The following DENND1B variants were observed in gnomAD, a reference collection of about 807,000 sequenced individuals.
The protein encoded by DENND1B is DENN domain containing 1B.
DENND1B carries 59 observed loss-of-function variants against 90.1 expected under a neutral mutation model. That is an observed-to-expected ratio of 0.65 (90% confidence interval 0.53 to 0.81). The LOEUF is 0.81. DENND1B is among the 40% of genes least tolerant of loss of function. The pLI is 0.00. For missense variants in DENND1B, 862 were observed against 912.6 expected (o/e 0.94, Z 0.71); for synonymous variants, 337 against 324.6 (o/e 1.04, Z -0.41).
intron 3 of DENND1B, among the ~76,000 whole-genome samples, chr1:197,707,890 G>C (rs1337115135): frequency 6.6e-6 from 1 of 150,500 alleles, no homozygotes; most frequent in Non-Finnish European, 1.5e-5. Flanking sequence ...GCGAGCCGAA[G>C]CAGGGCGAGG....
chr1:197,652,215 A>G lies in DENND1B; in HGVS notation c.447+20T>C, dbSNP rs1305232365. The G allele has an allele frequency of 6.2e-7, 1 of 1,602,768 alleles. No homozygotes were observed. The highest frequency in any genetic ancestry group is 1.7e-5 in the Admixed American group (1 of 58,532). The stretch of plus-strand genomic sequence containing the variant: ...GACATAGCTATGACTCCCAAAAACA[A>G]TTACTGATTGAATACTTACCACACT... On this transcript the variant is annotated intron_variant, in intron 7 of 22. Coordinates refer to ENST00000620048, the MANE Select transcript of DENND1B (RefSeq NM_001195215.2).
intron 3 of DENND1B, among the ~76,000 whole-genome samples, chr1:197,708,078 C>T (rs1302842390): frequency 3.6e-5 from 5 of 140,500 alleles, no homozygotes; most frequent in Admixed American, 2.2e-4. Context: ...GAGGGTCCTA[C>T]GCCCACGGAA....
intron 13 of DENND1B, among the ~76,000 whole-genome samples, chr1:197,595,792 G>A (rs552824167): frequency 6.6e-6 from 1 of 152,118 alleles, no homozygotes; most frequent in South Asian, 2.1e-4. Context: ...TAATTTTCCA[G>A]TCATTTGTTG....
At chr1:197,516,591 C>G (rs1377815699) in intron 20 of DENND1B, among the ~76,000 whole-genome samples, 1 of 151,692 alleles carries the variant, frequency 6.6e-6, no homozygotes, top group African/African-American at 2.4e-5. Flanking sequence ...GGACAGTTTT[C>G]CCCATGTTCG....
chr1:197,516,041 C>T (rs1668373993), intron 20 of DENND1B, among the ~76,000 whole-genome samples: 1 of 151,782 alleles, frequency 6.6e-6, no homozygotes, highest in Non-Finnish European at 1.5e-5. Context: ...ATAAGCTTCA[C>T]AGATACATTT....
intron 3 of DENND1B, among the ~76,000 whole-genome samples, chr1:197,686,168 T>G (rs1330785132): frequency 6.6e-6 from 1 of 152,146 alleles, no homozygotes; most frequent in Non-Finnish European, 1.5e-5. Flanking sequence ...AGGGAGGAAC[T>G]ATAAATAAAA....
At chr1:197,544,341 A>G (rs1475049985) in intron 18 of DENND1B, among the ~76,000 whole-genome samples, 1 of 152,200 alleles carries the variant, frequency 6.6e-6, no homozygotes, top group Middle Eastern at 3.2e-3. Flanking sequence ...GGCTTGAGCA[A>G]GAATCAAAGG....
In DENND1B at chr1:197,649,689, C is replaced by G. The variant is rs998710741; in HGVS notation, c.447+2546G>C. Among the ~76,000 whole-genome samples the G allele has an allele frequency of 1.2e-4, 18 of 152,112 alleles. 1 individual carries two copies. The highest frequency in any genetic ancestry group is 2.1e-4 in the South Asian group (1 of 4,826). ...ACATGTAGGAGAATGAAACTGGATC[C>G]TCATCTCTCAGCTTATACAAAAAGC... On this transcript the variant is annotated intron_variant, in intron 7 of 22. Coordinates refer to ENST00000620048, the MANE Select transcript of DENND1B (RefSeq NM_001195215.2).
At position 197,597,538 on chromosome 1, in the gene DENND1B, C is replaced by T. The variant is rs575086851; in HGVS notation, c.922-2205G>A. Among the ~76,000 whole-genome samples the T allele has an allele frequency of 1.4e-4, 22 of 151,804 alleles. No individual in the cohort carries two copies. The South Asian group carries it at 3.5e-3, about 24-fold the overall frequency. ...AACTCAGTTCTCCACAAATCAAGAA[C>T]ACAATGTTCTCTGGACAATCACAAC... On this transcript the variant is annotated intron_variant, in intron 13 of 22. Transcript: ENST00000620048.
At chr1:197,558,672 C>T (rs1369574913) in intron 15 of DENND1B, among the ~76,000 whole-genome samples, 2 of 151,790 alleles carry the variant, frequency 1.3e-5, no homozygotes, top group Non-Finnish European at 2.9e-5. Flanking sequence ...ATGACATGAT[C>T]TTAAAGTACT....
At chr1:197,514,714 A>C (rs943536268) in intron 20 of DENND1B, among the ~76,000 whole-genome samples, 1 of 151,568 alleles carries the variant, frequency 6.6e-6, no homozygotes, top group South Asian at 2.1e-4. Flanking sequence ...AATTTTCAAA[A>C]TAAAGTTGTT....
intron 20 of DENND1B, among the ~76,000 whole-genome samples, chr1:197,529,242 A>ATATATATATATATATATG (rs1553277550): frequency 9.2e-5 from 1 of 10,864 alleles, no homozygotes; most frequent in African/African-American, 1.7e-4. Context: ...ATATATATAT[A>ATATATATATATATATATG]TGTGTGTGTG....
chr1:197,604,365 G>A (rs995454493), intron 13 of DENND1B, among the ~76,000 whole-genome samples: 3 of 151,054 alleles, frequency 2.0e-5, no homozygotes, highest in African/African-American at 4.8e-5. Flanking sequence ...TAAGAGTAGC[G>A]GAACTGCTAC....
rs1366226080 is a variant in DENND1B at position 197,506,910 on chromosome 1, T to G, written c.*3550A>C. On this transcript the variant is annotated 3_prime_UTR_variant, in exon 23 of 23. Coordinates refer to ENST00000620048, the MANE Select transcript of DENND1B (RefSeq NM_001195215.2). ...TTATAGAGAGCCCTGTGCAGCCTGG[T>G]TATCTGATAATAAGATAAAGACACT... is the stretch of plus-strand genomic sequence containing the variant. The G allele has an allele frequency of 6.6e-6, 1 of 151,410 alleles. No individual in the cohort carries two copies. Among genetic ancestry groups the G allele is most frequent in the Non-Finnish European group, 1.5e-5 (1 of 67,564 alleles). The allele number at this position is 151,410 out of a possible 1,614,324, so 9.4% of individuals were successfully genotyped here. A position where few individuals can be genotyped will look rare whatever the true frequency, so the allele number is the denominator to read the frequency against.
intron 15 of DENND1B, among the ~76,000 whole-genome samples, chr1:197,564,093 G>GT (rs1336340330): frequency 6.6e-6 from 1 of 151,930 alleles, no homozygotes; most frequent in African/African-American, 2.4e-5. Context: ...TCTACTCCTG[G>GT]TGAAGATGCT....
At chr1:197,527,053 G>A (rs1669185290) in intron 20 of DENND1B, among the ~76,000 whole-genome samples, 1 of 152,186 alleles carries the variant, frequency 6.6e-6, no homozygotes, top group East Asian at 1.9e-4. Context: ...TATTTCAACA[G>A]AGAAACAAAA....
chr1:197,636,369 G>A (rs1276562370), intron 10 of DENND1B, among the ~76,000 whole-genome samples: 3 of 152,146 alleles, frequency 2.0e-5, no homozygotes, highest in African/African-American at 7.2e-5. Context: ...TTCCTTAAGG[G>A]AAGGGATACT....
rs1006860716 is a variant in DENND1B at position 197,507,741 on chromosome 1, C to T, written c.*2719G>A. The T allele has an allele frequency of 6.6e-6, 1 of 151,492 alleles. No homozygotes were observed. The highest frequency in any genetic ancestry group is 2.4e-5 in the African/African-American group (1 of 41,346). 9.4% of individuals were successfully genotyped at this position (151,492 alleles called of 1,614,324 possible). ...TGGGCACTGTAGAATATAACACTTT[C>T]CTTTATTTCGGAACTCACCCAGTTT... On this transcript the variant is annotated 3_prime_UTR_variant, in exon 23 of 23. Transcript: ENST00000620048.
intron 14 of DENND1B, among the ~76,000 whole-genome samples, chr1:197,590,858 C>A (rs896800474): frequency 3.9e-5 from 6 of 152,122 alleles, no homozygotes; most frequent in Admixed American, 3.3e-4. Flanking sequence ...ACCATAATAG[C>A]CACACCTGTC....
Sources: gnomAD v4.1 joint callset for allele counts (sites outside exome capture counted in the v4.1 genomes callset) on GRCh38, gnomAD v4.1.1 for gene constraint, MANE v1.5 for transcripts, NCBI Gene and HGNC (gene_info 2026-07-23, HGNC 2026-07-21) for gene names.